Variants in SHROOM4 observed in about 807,000 individuals in gnomAD.
SHROOM4 encodes protein Shroom4.
In SHROOM4, 17 loss-of-function variants were observed where a neutral mutation model predicts 80.3. The ratio of observed to expected loss-of-function variants is 0.21; its 90% CI spans 0.14 to 0.32. The LOEUF (loss-of-function observed/expected upper bound fraction) is 0.32, where lower values mean the gene tolerates loss of function less well. SHROOM4 is among the 10% of genes least tolerant of loss of function. SHROOM4 has a pLI of 1.00. For missense variants in SHROOM4, 993 were observed against 1,140.3 expected (o/e 0.87, Z 1.86); for synonymous variants, 400 against 437.5 (o/e 0.91, Z 1.07).
At chrX:50,799,172 G>A (rs1557272372) in intron 1 of SHROOM4, among the ~76,000 whole-genome samples, 1 of 112,900 alleles carries the variant, frequency 8.9e-6, no homozygotes, top group Non-Finnish European at 1.9e-5. Context: ...TAAGGAGGAA[G>A]CTAACATTCT....
At chrX:50,585,455 T>C (rs1928740860), downstream of SHROOM4, among the ~76,000 whole-genome samples, 2 of 110,732 alleles carry the variant, frequency 1.8e-5, no homozygotes, top group African/African-American at 6.6e-5. Context: ...CAGAACCAGC[T>C]AGAGCTAAGG....
At chrX:50,652,090 A>G (rs149540370) in intron 2 of SHROOM4, among the ~76,000 whole-genome samples, 211 of 112,066 alleles carry the variant, frequency 1.9e-3, no homozygotes, top group African/African-American at 6.3e-3. Flanking sequence ...TCCTTTGGGT[A>G]TATATCCAGT....
chrX:50,596,047 A>T lies in SHROOM4; in HGVS notation c.*648T>A. Reference sequence around the variant, plus strand: ...GAAGAGGGTCACACTAGCCAGGGCTAAGAGTAGGCCTCTTCCCCTGAACTT... The same window carrying T: ...GAAGAGGGTCACACTAGCCAGGGCTTAGAGTAGGCCTCTTCCCCTGAACTT... On this transcript the variant is annotated 3_prime_UTR_variant, in exon 9 of 9. Transcript: ENST00000376020. 1 of 329,817 alleles carries T rather than the reference A, an allele frequency of 3.0e-6. No individual in the cohort carries two copies. Among genetic ancestry groups the T allele is most frequent in the South Asian group, 2.6e-5 (1 of 38,507 alleles). 27.2% of individuals were successfully genotyped at this position (329,817 alleles called of 1,213,427 possible).
chrX:50,624,880 A>G (rs1930732370), intron 5 of SHROOM4, among the ~76,000 whole-genome samples: 2 of 111,700 alleles, frequency 1.8e-5, no homozygotes, highest in South Asian at 7.4e-4. Flanking sequence ...ATCTGAACAG[A>G]TAATTCACAT....
rs782791396 is a variant in SHROOM4, at chrX:50,633,586, T to C, written c.2487A>G (p.Ser829=). 1 of 1,212,016 alleles carries C rather than the reference T, an allele frequency of 8.3e-7. No homozygotes were observed. Among genetic ancestry groups the C allele is most frequent in the South Asian group, 1.8e-5 (1 of 56,982 alleles). The change falls in exon 4 of 9, where the codon TCA becomes TCG. Residue 829 remains serine, a synonymous_variant. Transcript: ENST00000376020. The part of the protein sequence containing the change: ...RELRRHPMDQ[S]YHSADQPYHA... ...GATATGGTTGGTCTGCGGAATGATA[T>C]GATTGGTCCATGGGATGGCGCCTCA... is the stretch of plus-strand genomic sequence containing the variant.
intron 2 of SHROOM4, among the ~76,000 whole-genome samples, chrX:50,638,895 A>C (rs782494891): frequency 8.9e-6 from 1 of 112,845 alleles, no homozygotes; most frequent in East Asian, 2.8e-4. Flanking sequence ...GGTTCAAACA[A>C]AGCATGGGAT....
intron 1 of SHROOM4, among the ~76,000 whole-genome samples, chrX:50,712,737 C>A (rs781786110): frequency 1.8e-5 from 2 of 111,884 alleles, no homozygotes; most frequent in Non-Finnish European, 3.8e-5. Context: ...GTTCTGACAT[C>A]TTTTCCAGCT....
At chrX:50,743,410 A>G (rs1292686787) in intron 1 of SHROOM4, among the ~76,000 whole-genome samples, 1 of 111,154 alleles carries the variant, frequency 9.0e-6, no homozygotes, top group African/African-American at 3.3e-5. Context: ...TTATGGATTC[A>G]AATTATTGTC....
chrX:50,597,982 G>C (rs1929197476), intron 8 of SHROOM4, among the ~76,000 whole-genome samples: 1 of 111,109 alleles, frequency 9.0e-6, no homozygotes, highest in Admixed American at 9.6e-5. Context: ...GGGATTATAG[G>C]CATGCGCCAC....
At chrX:50,686,898 T>C (rs148959417) in intron 2 of SHROOM4, 3 of 111,860 alleles carry the variant, frequency 2.7e-5, no homozygotes, top group African/African-American at 9.7e-5. Context: ...AAATATCTTG[T>C]GAACAGAAGG....
In SHROOM4 at chrX:50,635,448, C is replaced by T; in HGVS notation, c.625G>A (p.Glu209Lys). 3.3e-6 allele frequency: 4 copies of T among 1,208,372 alleles called. No homozygotes were observed. The highest frequency in any genetic ancestry group is 4.5e-6 in the Non-Finnish European group (4 of 893,856). ...ASDCALSLRP[E>K]EPASTDCIMQ... is the part of the protein sequence containing the mutation. ...ATGCAGTCTGTAGAGGCTGGCTCCT[C>T]TGGCCTGAGGGAAAGGGCACAGTCA... The change falls in exon 4 of 9, where the codon GAG (glutamate) becomes AAG (lysine). Residue 209 changes from glutamate to lysine, a missense_variant. Coordinates refer to ENST00000376020, the MANE Select transcript of SHROOM4 (RefSeq NM_020717.5).
chrX:50,611,271 C>G (rs1557249829), intron 5 of SHROOM4, among the ~76,000 whole-genome samples: 1 of 107,729 alleles, frequency 9.3e-6, no homozygotes, highest in East Asian at 3.0e-4. Flanking sequence ...GCCTCAGCCT[C>G]CCCAGTAGCT....
At chrX:50,676,429 G>A (rs1557261307) in intron 2 of SHROOM4, among the ~76,000 whole-genome samples, 1 of 111,042 alleles carries the variant, frequency 9.0e-6, no homozygotes, top group Non-Finnish European at 1.9e-5. Context: ...CATTAAATTG[G>A]CTGTGAAATG....
chrX:50,616,185 G>A (rs998003075), intron 5 of SHROOM4, among the ~76,000 whole-genome samples: 23 of 112,182 alleles, frequency 2.1e-4, no homozygotes, highest in African/African-American at 7.4e-4. Flanking sequence ...AAAGATTAAC[G>A]ATTAATGGGT....
Position 50,596,632 on chromosome X carries a change from A to G in SHROOM4, c.*63T>C. The G allele has an allele frequency of 1.7e-6, 2 of 1,188,861 alleles. No individual in the cohort carries two copies. Among genetic ancestry groups the G allele is most frequent in the Non-Finnish European group, 2.3e-6 (2 of 883,788 alleles). ...TCTACTTGCTGAGAAACTGCTAACA[A>G]AGAAGATTGAAAGCACTTCCCACAT... On this transcript the variant is annotated 3_prime_UTR_variant, in exon 9 of 9. Coordinates refer to ENST00000376020, the MANE Select transcript of SHROOM4 (RefSeq NM_020717.5).
intron 1 of SHROOM4, among the ~76,000 whole-genome samples, chrX:50,801,845 T>A (rs1457792578): frequency 8.9e-6 from 1 of 111,988 alleles, no homozygotes; most frequent in Non-Finnish European, 1.9e-5. Flanking sequence ...CTATTTCATG[T>A]TGTTAGAGAG....
chrX:50,583,738 A>G (rs1557244522), downstream of SHROOM4, among the ~76,000 whole-genome samples: 1 of 111,239 alleles, frequency 9.0e-6, no homozygotes, highest in East Asian at 2.8e-4. Flanking sequence ...CCTCAGCTCT[A>G]TGGCCACAAG....
intron 5 of SHROOM4, among the ~76,000 whole-genome samples, chrX:50,613,926 C>T (rs1406192469): frequency 8.9e-6 from 1 of 111,995 alleles, no homozygotes; most frequent in East Asian, 2.8e-4. Flanking sequence ...GTAAATAAGG[C>T]AGTCTCACAA....
chrX:50,716,257 TAGAC>T (rs1933951444), intron 1 of SHROOM4, among the ~76,000 whole-genome samples: 1 of 110,625 alleles, frequency 9.0e-6, no homozygotes, highest in South Asian at 3.9e-4. Flanking sequence ...AAATTTCAGT[TAGAC>T]AGGAGGAATA....
Sources: allele counts gnomAD v4.1 joint callset (sites outside exome capture counted in the v4.1 genomes callset), GRCh38; gene constraint gnomAD v4.1.1; transcripts MANE v1.5; gene names NCBI Gene and HGNC (gene_info 2026-07-23, HGNC 2026-07-21).